Variants in ARL14EP observed in about 807,000 individuals in gnomAD.
The protein encoded by ARL14EP is ARL14 effector protein.
Under a neutral mutation model 23.1 loss-of-function variants are expected in ARL14EP, and 12 were observed. That is an observed-to-expected ratio of 0.52 (90% CI 0.33 to 0.84). The LOEUF (loss-of-function observed/expected upper bound fraction) is 0.84, where lower values mean the gene tolerates loss of function less well. ARL14EP is among the 40% of genes least tolerant of loss of function. The pLI is 0.02. For synonymous variants in ARL14EP, 97 were observed against 102.0 expected (o/e 0.95, Z 0.29); for missense variants, 253 against 307.3 (o/e 0.82, Z 1.32).
intron 1 of ARL14EP, chr11:30,330,214 T>G (rs1292067228): frequency 1.3e-5 from 2 of 152,296 alleles, no homozygotes; most frequent in Non-Finnish European, 2.9e-5. Flanking sequence ...ACCATAGTTT[T>G]AATTAGAATA....
intron 2 of ARL14EP, 89 bp downstream of exon 2, chr11:30,331,463 C>T: frequency 2.5e-6 from 4 of 1,579,506 alleles, no homozygotes; most frequent in Non-Finnish European, 2.6e-6. Context: ...TACATTATTA[C>T]TAAATTTGTT....
Position 30,331,849 on chromosome 11 carries a change from C to T in ARL14EP, c.426+475C>T, listed in dbSNP as rs1179330106. 8.2e-6 allele frequency: 8 copies of T among 969,854 alleles called. No homozygotes were observed. The African/African-American group carries it at 1.4e-4, about 17-fold the overall frequency. The allele number at this position is 969,854 out of a possible 1,614,324, so 60.1% of individuals were successfully genotyped here. On this transcript the variant is annotated intron_variant, in intron 2 of 3. Coordinates refer to ENST00000282032, the MANE Select transcript of ARL14EP (RefSeq NM_152316.3). ...ATTTCACTCTTTTTTTCTCCTTTGA[C>T]ACTGTCTCGTTCTTGAGTTTTTTAA...
chr11:30,324,974 T>C (rs1947226193), intron 1 of ARL14EP, among the ~76,000 whole-genome samples: 1 of 152,200 alleles, frequency 6.6e-6, no homozygotes, highest in Non-Finnish European at 1.5e-5. Flanking sequence ...GTCTTAATTT[T>C]CTCCTATGCA....
In ARL14EP at chr11:30,331,001, A is replaced by G; in HGVS notation, c.53A>G (p.His18Arg). The G allele has an allele frequency of 6.2e-7, 1 of 1,613,938 alleles. No individual in the cohort carries two copies. The highest frequency in any genetic ancestry group is 8.5e-7 in the Non-Finnish European group (1 of 1,179,824). Residue 18 changes from histidine (H) to arginine (R), a missense_variant, in exon 2 of 4, where the codon CAT (histidine) becomes CGT (arginine). By Grantham distance (29) the His-to-Arg change is conservative (BLOSUM62 0). Coordinates refer to ENST00000282032, the MANE Select transcript of ARL14EP (RefSeq NM_152316.3). ...CAGCTTCGTACTACAAATGAGTGCC[A>G]TAAAACCTACTATACTCGTCACACA... ...GVQLRTTNEC[H>R]KTYYTRHTGF...
At chr11:30,335,663 A>C (rs1401876883) in intron 3 of ARL14EP, among the ~76,000 whole-genome samples, 3 of 152,156 alleles carry the variant, frequency 2.0e-5, no homozygotes, top group Non-Finnish European at 2.9e-5. Flanking sequence ...GCATTTTTAA[A>C]TTAAGGTACA....
intron 1 of ARL14EP, among the ~76,000 whole-genome samples, chr11:30,324,770 T>G (rs900274329): frequency 6.6e-6 from 1 of 152,166 alleles, no homozygotes; most frequent in African/African-American, 2.4e-5. Context: ...AGCGTTCAAA[T>G]TGTATGAGGA....
intron 2 of ARL14EP, 96 bp downstream of exon 2, chr11:30,331,470 T>C (rs1947282874): frequency 6.4e-7 from 1 of 1,568,780 alleles, no homozygotes. Flanking sequence ...TTACTAAATT[T>C]GTTAGCATAC....
chr11:30,325,972 G>T (rs1947232453), intron 1 of ARL14EP, among the ~76,000 whole-genome samples: 1 of 152,178 alleles, frequency 6.6e-6, no homozygotes, highest in Non-Finnish European at 1.5e-5. Context: ...TAATCAGAAT[G>T]TGAAAACCTG....
At chr11:30,334,293 A>G (rs1016373678) in intron 3 of ARL14EP, among the ~76,000 whole-genome samples, 2 of 141,408 alleles carry the variant, frequency 1.4e-5, no homozygotes, top group Admixed American at 7.7e-5. Flanking sequence ...TCAGCTCACT[A>G]CACCCGCCAC....
At chr11:30,326,996 A>G (rs796843077) in intron 1 of ARL14EP, among the ~76,000 whole-genome samples, 2 of 152,242 alleles carry the variant, frequency 1.3e-5, no homozygotes, top group Non-Finnish European at 2.9e-5. Flanking sequence ...CTGAAATTCA[A>G]ATCTAACAGG....
chr11:30,326,094 C>T (rs1947233151), intron 1 of ARL14EP, among the ~76,000 whole-genome samples: 1 of 152,148 alleles, frequency 6.6e-6, no homozygotes, highest in Non-Finnish European at 1.5e-5. Flanking sequence ...TAGAGTTAGA[C>T]TTCCTGTAAG....
intron 1 of ARL14EP, chr11:30,329,932 G>T (rs1947269276): frequency 6.6e-6 from 1 of 150,378 alleles, no homozygotes; most frequent in Admixed American, 6.6e-5. Flanking sequence ...TATTTTTTTG[G>T]TATCTGCTTG....
At position 30,323,146 on chromosome 11, in the gene ARL14EP, T is replaced by C. The variant is rs1184119352; in HGVS notation, c.-120T>C. 1 of 152,978 alleles carries C rather than the reference T, an allele frequency of 6.5e-6. No homozygotes were observed. The allele number at this position is 152,978 out of a possible 1,614,324, so 9.5% of individuals were successfully genotyped here. ...TGGCTGGGAAGCGGTCGGTCGAGTG[T>C]GGCCTGTGTGGACTCGCATCTTGCC... On this transcript the variant is annotated 5_prime_UTR_variant, in exon 1 of 4. Transcript: ENST00000282032.
intron 3 of ARL14EP, among the ~76,000 whole-genome samples, chr11:30,334,298 C>T (rs888295432): frequency 5.3e-5 from 8 of 150,062 alleles, no homozygotes; most frequent in Admixed American, 2.7e-4. Context: ...TCACTACACC[C>T]GCCACCTGCT....
At position 30,332,900 on chromosome 11, in the gene ARL14EP, T is replaced by G. The variant is rs1264437718; in HGVS notation, c.461T>G (p.Phe154Cys). ...RTAKALRSLQ[F>C]TNPGRQTEFA... ...GCTAAAGCTTTGAGGTCATTACAAT[T>G]TACGAATCCAGGAAGGCAAACTGAA... Residue 154 changes from phenylalanine (F) to cysteine (C), a missense_variant, in exon 3 of 4, where the codon TTT becomes TGT. By Grantham distance (205) the Phe-to-Cys change is radical. Coordinates refer to ENST00000282032, the MANE Select transcript of ARL14EP (RefSeq NM_152316.3). The G allele has an allele frequency of 2.5e-6, 4 of 1,613,492 alleles. No homozygotes were observed. The highest frequency in any genetic ancestry group is 8.5e-7 in the Non-Finnish European group (1 of 1,179,666).
At chr11:30,333,675 G>A (rs1590669535) in intron 3 of ARL14EP, among the ~76,000 whole-genome samples, 1 of 151,998 alleles carries the variant, frequency 6.6e-6, no homozygotes, top group Non-Finnish European at 1.5e-5. Context: ...ATTGAAATTG[G>A]TCCAACTAAT....
intron 3 of ARL14EP, among the ~76,000 whole-genome samples, chr11:30,336,075 A>G (rs185533359): frequency 2.6e-5 from 4 of 152,298 alleles, no homozygotes; most frequent in African/African-American, 7.2e-5. Context: ...ACATTTCTAT[A>G]TATGCCATGT....
At chr11:30,325,688 T>C (rs1947230815) in intron 1 of ARL14EP, among the ~76,000 whole-genome samples, 1 of 152,164 alleles carries the variant, frequency 6.6e-6, no homozygotes, top group African/African-American at 2.4e-5. Flanking sequence ...TAATCTTTTC[T>C]TGCGTTAAAA....
intron 1 of ARL14EP, among the ~76,000 whole-genome samples, chr11:30,325,278 T>A (rs1032947267): frequency 6.6e-6 from 1 of 152,188 alleles, no homozygotes; most frequent in African/African-American, 2.4e-5. Flanking sequence ...AACAAGTATT[T>A]TGTTCCACTT....
Sources: gnomAD v4.1 joint callset for allele counts (sites outside exome capture counted in the v4.1 genomes callset) on GRCh38, gnomAD v4.1.1 for gene constraint, MANE v1.5 for transcripts, NCBI Gene and HGNC (gene_info 2026-07-23, HGNC 2026-07-21) for gene names.